Variants in MAP3K2 observed in about 807,000 individuals in gnomAD.
The protein encoded by MAP3K2 is mitogen-activated protein kinase kinase kinase 2.
Under a neutral mutation model 80.3 loss-of-function variants are expected in MAP3K2, and 24 were observed. That is an observed-to-expected ratio of 0.30 (90% CI 0.22 to 0.42). The LOEUF (loss-of-function observed/expected upper bound fraction) is 0.42, where lower values mean the gene tolerates loss of function less well. MAP3K2 is among the 10% of genes least tolerant of loss of function. The probability of loss-of-function intolerance (pLI) is 1.00; values close to 1 mark genes in which losing one functional copy is unlikely to be tolerated. For missense variants in MAP3K2, 608 were observed against 750.1 expected (o/e 0.81, Z 2.21); for synonymous variants, 244 against 253.7 (o/e 0.96, Z 0.36).
At position 127,321,428 on chromosome 2, in the gene MAP3K2, A is replaced by G. The variant is rs1686017968; in HGVS notation, c.1045+618T>C. ...TGGATATAAAAGTAAACTATGACAC[A>G]CTAGCACACAAAAAGGAATTCAGAG... On this transcript the variant is annotated intron_variant, in intron 12 of 16. Coordinates refer to ENST00000682094, the MANE Select transcript of MAP3K2 (RefSeq NM_001371910.2). This position sits in a 1 kb window ranked among gnomAD's most constrained non-coding sequence, Gnocchi z 4.4. Among the ~76,000 whole-genome samples, 2 of 152,260 alleles carry G rather than the reference A, an allele frequency of 1.3e-5. No homozygotes were observed. Among genetic ancestry groups the G allele is most frequent in the Admixed American group, 6.5e-5 (1 of 15,290 alleles).
chr2:127,358,881 A>G (rs1314412794), intron 1 of MAP3K2, among the ~76,000 whole-genome samples: 2 of 152,170 alleles, frequency 1.3e-5, no homozygotes, highest in Non-Finnish European at 1.5e-5. Flanking sequence ...GTGAGCCAAG[A>G]TTCCACCACT....
chr2:127,341,097 C>T (rs1282222423), intron 2 of MAP3K2, among the ~76,000 whole-genome samples: 2 of 151,950 alleles, frequency 1.3e-5, no homozygotes, highest in African/African-American at 4.8e-5. Context: ...TCACACCATT[C>T]TCCTGCCTCA....
chr2:127,385,526 G>A (rs1428033979), intron 1 of MAP3K2, among the ~76,000 whole-genome samples: 1 of 152,128 alleles, frequency 6.6e-6, no homozygotes, highest in African/African-American at 2.4e-5. Flanking sequence ...TATTGCAGTG[G>A]TCTGGAACCA....
intron 1 of MAP3K2, among the ~76,000 whole-genome samples, chr2:127,365,191 C>G (rs1166979342): frequency 2.2e-5 from 3 of 135,680 alleles, no homozygotes; most frequent in Non-Finnish European, 4.6e-5. Context: ...AGCAGACACT[C>G]TAAGTGTTTT....
intron 1 of MAP3K2, among the ~76,000 whole-genome samples, chr2:127,383,657 T>G (rs1330691367): frequency 6.6e-6 from 1 of 152,150 alleles, no homozygotes; most frequent in Non-Finnish European, 1.5e-5. Context: ...TTGGATGCAT[T>G]TCCTAATTTA....
rs1685578033 is a variant in MAP3K2 at position 127,300,832 on chromosome 2, T to G, written c.*6747A>C. The G allele has an allele frequency of 1.3e-5, 2 of 152,212 alleles. 1 individual carries two copies. The highest frequency in any genetic ancestry group is 4.8e-5 in the African/African-American group (2 of 41,470). The allele number at this position is 152,212 out of a possible 1,614,324, so 9.4% of individuals were successfully genotyped here. A position where few individuals can be genotyped will look rare whatever the true frequency, so the allele number is the denominator to read the frequency against. ...GTTTCAACTAGTCCTCTCTTCTTAT[T>G]CCAGGTGGAAAAAATTCTTTGGAAA... On this transcript the variant is annotated 3_prime_UTR_variant, in exon 17 of 17. Transcript: ENST00000682094.
In MAP3K2 at chr2:127,329,974, T is replaced by C. The variant is rs1246152503; in HGVS notation, c.413A>G (p.Asp138Gly). The C allele has an allele frequency of 1.2e-6, 2 of 1,609,878 alleles. No individual in the cohort carries two copies. Among genetic ancestry groups the C allele is most frequent in the African/African-American group, 2.7e-5 (2 of 74,838 alleles). ...TNLEPLPSLE[D>G]LDNTVFGAER... Reference sequence around the variant, plus strand: ...TGCTCCAAATACTGTATTATCCAAATCTTCTAGTGATGGCAATGGTTCTAA... The same window carrying C: ...TGCTCCAAATACTGTATTATCCAAACCTTCTAGTGATGGCAATGGTTCTAA... Residue 138 changes from aspartate (D) to glycine (G), a missense_variant, in exon 7 of 17, where the codon GAT (aspartate) becomes GGT (glycine). Physicochemically the swap from Asp to Gly is moderately conservative, Grantham distance 94. Coordinates refer to ENST00000682094, the MANE Select transcript of MAP3K2 (RefSeq NM_001371910.2).
In MAP3K2 at chr2:127,334,435, A is replaced by T. The variant is rs187486093; in HGVS notation, c.264+1435T>A. ...ATAATTCAAGTTCAAGACATTTTTTAAAAATTTATTCTTTTTTGTTCAGAC... is the reference window on the plus strand; with the variant it reads ...ATAATTCAAGTTCAAGACATTTTTTTAAAATTTATTCTTTTTTGTTCAGAC... On this transcript the variant is annotated intron_variant, in intron 5 of 16. Coordinates refer to ENST00000682094, the MANE Select transcript of MAP3K2 (RefSeq NM_001371910.2). Among the ~76,000 whole-genome samples the T allele has an allele frequency of 2.3e-3, 357 of 152,282 alleles. 1 individual carries two copies. Among genetic ancestry groups the T allele is most frequent in the African/African-American group, 7.7e-3 (321 of 41,556 alleles).
At chr2:127,341,146 C>G (rs931305875) in intron 2 of MAP3K2, among the ~76,000 whole-genome samples, 9 of 151,292 alleles carry the variant, frequency 5.9e-5, no homozygotes, top group Admixed American at 4.0e-4. Flanking sequence ...CCCCCCACCA[C>G]GCCTGGCTAA....
intron 1 of MAP3K2, among the ~76,000 whole-genome samples, chr2:127,355,948 GAGT>G (rs1686790567): frequency 1.3e-5 from 2 of 152,182 alleles, no homozygotes; most frequent in South Asian, 4.1e-4. Context: ...TCTTCACCAG[GAGT>G]AGATTCCATC....
chr2:127,366,465 G>C (rs1686974047), intron 1 of MAP3K2, among the ~76,000 whole-genome samples: 1 of 150,810 alleles, frequency 6.6e-6, no homozygotes, highest in Admixed American at 6.6e-5. Context: ...GAAATGTGAA[G>C]ATTGAGAAAG....
At chr2:127,359,862 G>A (rs1475636105) in intron 1 of MAP3K2, among the ~76,000 whole-genome samples, 3 of 152,132 alleles carry the variant, frequency 2.0e-5, no homozygotes, top group African/African-American at 7.2e-5. Context: ...AGCTGAGCAG[G>A]TGCCAAAATC....
chr2:127,331,376 A>G (rs1371010527), intron 5 of MAP3K2, among the ~76,000 whole-genome samples: 6 of 152,162 alleles, frequency 3.9e-5, no homozygotes, highest in African/African-American at 1.4e-4. Context: ...AACCTGCTCT[A>G]CTCAGCACAA....
intron 1 of MAP3K2, among the ~76,000 whole-genome samples, chr2:127,359,767 C>T (rs1686854377): frequency 6.6e-6 from 1 of 152,182 alleles, no homozygotes; most frequent in South Asian, 2.1e-4. Context: ...CCCCGTCTCT[C>T]TCTTCCTCCT....
In MAP3K2 at chr2:127,308,448, T is replaced by C. The variant is rs1166630359; in HGVS notation, c.1634+137A>G. ...AAGCCTCAATAAGGCACAATTAATA[T>C]AGTGTTAATCTTCGCAATTCTTACG... On this transcript the variant is annotated intron_variant, in intron 16 of 16. Transcript: ENST00000682094. The C allele has an allele frequency of 5.9e-6, 4 of 677,726 alleles. No individual in the cohort carries two copies. The Admixed American group carries it at 7.8e-5, about 13-fold the overall frequency. 42.0% of individuals were successfully genotyped at this position (677,726 alleles called of 1,614,324 possible). A position where few individuals can be genotyped will look rare whatever the true frequency, so the allele number is the denominator to read the frequency against.
intron 5 of MAP3K2, among the ~76,000 whole-genome samples, chr2:127,333,731 T>G: frequency 6.6e-6 from 1 of 152,038 alleles, no homozygotes; most frequent in African/African-American, 2.4e-5. Flanking sequence ...ACAGAAATCC[T>G]TCAGAAAGCA....
At chr2:127,336,439 A>T (rs927461348) in intron 4 of MAP3K2, among the ~76,000 whole-genome samples, 30 of 152,332 alleles carry the variant, frequency 2.0e-4, no homozygotes, top group South Asian at 4.1e-4. Flanking sequence ...TCCAAAATAA[A>T]TATTTTTACA....
Position 127,386,045 on chromosome 2 carries a change from CAT to C in MAP3K2, c.-66+1405_-66+1406del, listed in dbSNP as rs1016164955. Reference sequence around the variant, plus strand: ...AACAAATCAATCTGTAAACCATCCACATGTTAACTTTGTAATTTCACCTTTTC... The same window carrying C: ...AACAAATCAATCTGTAAACCATCCACGTTAACTTTGTAATTTCACCTTTTC... On this transcript the variant is annotated intron_variant, in intron 1 of 16. Transcript: ENST00000682094. Among the ~76,000 whole-genome samples, 14 of 152,334 alleles carry C rather than the reference CAT, an allele frequency of 9.2e-5. No individual in the cohort carries two copies. In the East Asian group the frequency reaches 2.1e-3, roughly 23 times the overall value.
At chr2:127,360,214 CAAT>C (rs1244401216) in intron 1 of MAP3K2, among the ~76,000 whole-genome samples, 3 of 152,138 alleles carry the variant, frequency 2.0e-5, no homozygotes, top group African/African-American at 7.2e-5. Context: ...TTGATACATA[CAAT>C]AATACGGATG....
Sources: gnomAD v4.1 joint callset for allele counts (sites outside exome capture counted in the v4.1 genomes callset) on GRCh38, gnomAD v4.1.1 for gene constraint, Gnocchi (gnomAD v3.1) non-coding constraint, MANE v1.5 for transcripts, NCBI Gene and HGNC (gene_info 2026-07-23, HGNC 2026-07-21) for gene names.